The following CADPS variants were observed in gnomAD, a reference collection of about 807,000 sequenced individuals.
The protein encoded by CADPS is calcium dependent secretion activator.
Under a neutral mutation model 167.3 loss-of-function variants are expected in CADPS, and 57 were observed. The observed-to-expected ratio is 0.34, with a 90% CI of 0.28 to 0.42. The LOEUF is 0.42. Ranked by LOEUF, CADPS falls within the 20% of genes least tolerant of loss-of-function variation. The probability of loss-of-function intolerance (pLI) is 1.00; values close to 1 mark genes in which losing one functional copy is unlikely to be tolerated. For missense variants in CADPS, 1,414 were observed against 1,738.1 expected (o/e 0.81, Z 3.32); for synonymous variants, 676 against 635.3 (o/e 1.06, Z -0.96).
intron 6 of CADPS, among the ~76,000 whole-genome samples, chr3:62,629,527 C>T (rs1158452028): frequency 6.6e-6 from 1 of 152,186 alleles, no homozygotes; most frequent in Non-Finnish European, 1.5e-5. Context: ...CGCCATCACT[C>T]AACTTTGAAC....
chr3:62,407,590 C>T (rs1708993238), intron 28 of CADPS, among the ~76,000 whole-genome samples: 1 of 152,144 alleles, frequency 6.6e-6, no homozygotes, highest in Non-Finnish European at 1.5e-5. Flanking sequence ...AATACCAGTA[C>T]TCTCTTCATG....
chr3:62,556,317 C>T (rs1405135337), intron 10 of CADPS, among the ~76,000 whole-genome samples: 2 of 152,208 alleles, frequency 1.3e-5, no homozygotes, highest in African/African-American at 2.4e-5. Context: ...ATATGAAAGA[C>T]CGAAGGGGTG....
At chr3:62,755,502 C>G (rs2083675746) in intron 2 of CADPS, among the ~76,000 whole-genome samples, 1 of 152,198 alleles carries the variant, frequency 6.6e-6, no homozygotes, top group Non-Finnish European at 1.5e-5. Flanking sequence ...GTTCATTCCC[C>G]TGTCAGATTT....
At chr3:62,577,571 G>A (rs746435458) in intron 8 of CADPS, among the ~76,000 whole-genome samples, 6 of 152,210 alleles carry the variant, frequency 3.9e-5, no homozygotes, top group Non-Finnish European at 8.8e-5. Flanking sequence ...AAAGTACAAA[G>A]AATAAATGAA....
intron 6 of CADPS, among the ~76,000 whole-genome samples, chr3:62,644,038 C>T (rs2150031677): frequency 6.6e-6 from 1 of 152,300 alleles, no homozygotes; most frequent in East Asian, 1.9e-4. Context: ...ATTAATTTCT[C>T]CCAGCTTCTG....
At chr3:62,586,607 C>G (rs753827118) in intron 7 of CADPS, among the ~76,000 whole-genome samples, 3 of 152,314 alleles carry the variant, frequency 2.0e-5, no homozygotes, top group Middle Eastern at 3.4e-3. Context: ...AGTTCCCTGT[C>G]TCTGATGAAA....
chr3:62,450,034 T>G (rs1171768693), intron 26 of CADPS, among the ~76,000 whole-genome samples: 2 of 152,198 alleles, frequency 1.3e-5, no homozygotes, highest in East Asian at 3.9e-4. Flanking sequence ...TTACTGGTAA[T>G]ATTGGCTTAC....
chr3:62,741,566 T>G (rs571563442), intron 3 of CADPS, among the ~76,000 whole-genome samples: 6 of 152,262 alleles, frequency 3.9e-5, no homozygotes, highest in Non-Finnish European at 5.9e-5. Context: ...TTTAATAAAA[T>G]CCAACATCCA....
intron 11 of CADPS, among the ~76,000 whole-genome samples, chr3:62,547,410 A>C (rs2152202121): frequency 6.6e-6 from 1 of 152,264 alleles, no homozygotes; most frequent in African/African-American, 2.4e-5. Context: ...TGGTAGATGT[A>C]GCAGGGCCTC....
chr3:62,581,796 A>G (rs2083483080), intron 8 of CADPS, among the ~76,000 whole-genome samples: 1 of 152,214 alleles, frequency 6.6e-6, no homozygotes, highest in Non-Finnish European at 1.5e-5. Flanking sequence ...TGGGAGAATG[A>G]TAATACCTAA....
chr3:62,582,819 A>G (rs1463616855), intron 8 of CADPS, among the ~76,000 whole-genome samples: 1 of 152,222 alleles, frequency 6.6e-6, no homozygotes, highest in Non-Finnish European at 1.5e-5. Flanking sequence ...CTGTAGGGTC[A>G]AGGTAGCCTG....
At chr3:62,681,726 G>T (rs1422326462) in intron 3 of CADPS, among the ~76,000 whole-genome samples, 2 of 152,004 alleles carry the variant, frequency 1.3e-5, no homozygotes, top group East Asian at 3.9e-4. Flanking sequence ...GTCCCTCAGG[G>T]GCCTTGTTAC....
intron 6 of CADPS, among the ~76,000 whole-genome samples, chr3:62,638,284 T>C (rs1305425546): frequency 6.6e-6 from 1 of 152,054 alleles, no homozygotes; most frequent in East Asian, 1.9e-4. Context: ...TATTTTCTTA[T>C]TAGTGAGGAT....
intron 12 of CADPS, among the ~76,000 whole-genome samples, chr3:62,535,118 A>T (rs1190702727): frequency 6.6e-6 from 1 of 152,090 alleles, no homozygotes; most frequent in East Asian, 1.9e-4. Context: ...TCAGAGGCAC[A>T]TTCTTACAAG....
chr3:62,821,203 A>T (rs1231341269), intron 1 of CADPS, among the ~76,000 whole-genome samples: 2 of 152,182 alleles, frequency 1.3e-5, no homozygotes, highest in Non-Finnish European at 2.9e-5. Flanking sequence ...GTTACATAAC[A>T]AATAGCTTCA....
Position 62,645,265 on chromosome 3 carries a change from A to C in CADPS, c.1325+457T>G, listed in dbSNP as rs117295051. 2.2e-3 allele frequency among the ~76,000 whole-genome samples: 334 copies of C among 152,318 alleles called. 3 individuals carry two copies. The East Asian group carries it at 0.027, about 12-fold the overall frequency. On this transcript the variant is annotated intron_variant, in intron 6 of 29. Transcript: ENST00000383710. ...GGGTTCAGTATATATTGCTCGGGTG[A>C]TGACACCAAGATCTCCCAAATCACC...
At chr3:62,829,457 A>G (rs1461056425) in intron 1 of CADPS, among the ~76,000 whole-genome samples, 4 of 152,144 alleles carry the variant, frequency 2.6e-5, no homozygotes, top group African/African-American at 9.7e-5. Flanking sequence ...TGGAAGCTAT[A>G]TCCTCCATGG....
intron 1 of CADPS, among the ~76,000 whole-genome samples, chr3:62,784,831 C>G (rs1455768268): frequency 6.6e-6 from 1 of 151,260 alleles, no homozygotes; most frequent in African/African-American, 2.4e-5. Context: ...CAATCCATTG[C>G]AATGTATGCA....
chr3:62,563,151 TG>T (rs1430915259), intron 9 of CADPS, among the ~76,000 whole-genome samples: 2 of 152,210 alleles, frequency 1.3e-5, no homozygotes, highest in African/African-American at 4.8e-5. Flanking sequence ...AACTTAAGTC[TG>T]TTTGGGTTGA....
Sources: gnomAD v4.1 joint callset for allele counts (sites outside exome capture counted in the v4.1 genomes callset) on GRCh38, gnomAD v4.1.1 for gene constraint, MANE v1.5 for transcripts, NCBI Gene and HGNC (gene_info 2026-07-23, HGNC 2026-07-21) for gene names.